Variants in DLG2 observed in about 807,000 individuals in gnomAD.
DLG2 encodes the protein disks large homolog 2.
Under a neutral mutation model 132.5 loss-of-function variants are expected in DLG2, and 45 were observed. The ratio of observed to expected loss-of-function variants is 0.34; its 90% confidence interval spans 0.27 to 0.44. DLG2 has a LOEUF of 0.44. Among genes scored for constraint, DLG2 ranks in the 20% least tolerant of loss-of-function variants. The probability of loss-of-function intolerance (pLI) is 1.00; values close to 1 mark genes in which losing one functional copy is unlikely to be tolerated. For missense variants in DLG2, 1,045 were observed against 1,196.9 expected (o/e 0.87, Z 1.87); for synonymous variants, 424 against 419.6 (o/e 1.01, Z -0.13).
At chr11:85,115,382 G>A (rs1248416225) in intron 5 of DLG2, among the ~76,000 whole-genome samples, 1 of 151,876 alleles carries the variant, frequency 6.6e-6, no homozygotes, top group Non-Finnish European at 1.5e-5. Context: ...ATTACTAAGT[G>A]CCAGCTATTG....
At chr11:83,614,833 C>G (rs904763697) in intron 19 of DLG2, among the ~76,000 whole-genome samples, 1 of 152,214 alleles carries the variant, frequency 6.6e-6, no homozygotes, top group Non-Finnish European at 1.5e-5. Flanking sequence ...CAGACTGATA[C>G]TTCCAGCAAA....
chr11:83,637,691 C>A (rs953065414), intron 18 of DLG2, among the ~76,000 whole-genome samples: 1 of 152,100 alleles, frequency 6.6e-6, no homozygotes, highest in African/African-American at 2.4e-5. Flanking sequence ...CCTCAATTCT[C>A]CACCCTTCCC....
intron 9 of DLG2, among the ~76,000 whole-genome samples, chr11:84,128,187 A>T (rs534197065): frequency 6.6e-6 from 1 of 152,236 alleles, no homozygotes; most frequent in Admixed American, 6.5e-5. Context: ...GATAAGTAGG[A>T]AGAAGGTGTG....
At chr11:83,920,524 AAC>A (rs1277777111) in intron 15 of DLG2, among the ~76,000 whole-genome samples, 1 of 152,146 alleles carries the variant, frequency 6.6e-6, no homozygotes, top group African/African-American at 2.4e-5. Context: ...TATGAATGGA[AAC>A]AGTCTTTTAT....
At chr11:85,513,110 A>G (rs747468061) in intron 3 of DLG2, among the ~76,000 whole-genome samples, 3 of 152,190 alleles carry the variant, frequency 2.0e-5, no homozygotes, top group South Asian at 4.1e-4. Flanking sequence ...AAAACACAGC[A>G]TATTCTCACT....
intron 6 of DLG2, among the ~76,000 whole-genome samples, chr11:84,657,683 G>A (rs140179044): frequency 6.6e-6 from 1 of 152,256 alleles, no homozygotes; most frequent in East Asian, 1.9e-4. Context: ...TAATCTGACA[G>A]GAAGTAGAGC....
chr11:85,584,339 GGTGTGTGTGTGTGTGTGT>G (rs61334060), intron 3 of DLG2, among the ~76,000 whole-genome samples: 6 of 144,974 alleles, frequency 4.1e-5, no homozygotes, highest in East Asian at 4.1e-4. Context: ...AGTATTCCAT[GGTGTGTGTGTGTGTGTGT>G]GTGTGTGTGT....
chr11:84,075,772 A>T (rs1310043144), intron 10 of DLG2, among the ~76,000 whole-genome samples: 1 of 152,168 alleles, frequency 6.6e-6, no homozygotes, highest in Admixed American at 6.5e-5. Context: ...TATACTCCTC[A>T]TCTCTTCCTA....
intron 3 of DLG2, among the ~76,000 whole-genome samples, chr11:85,432,722 G>C (rs1237779270): frequency 6.6e-6 from 1 of 152,100 alleles, no homozygotes; most frequent in Non-Finnish European, 1.5e-5. Context: ...GAGGAGAATA[G>C]AACCAAATTG....
At chr11:85,573,144 T>C (rs1426407173) in intron 3 of DLG2, among the ~76,000 whole-genome samples, 2 of 152,206 alleles carry the variant, frequency 1.3e-5, no homozygotes, top group Non-Finnish European at 2.9e-5. Flanking sequence ...CTCTGAAAGC[T>C]GAACTATGTA....
At chr11:84,216,472 T>C (rs1309693039) in intron 8 of DLG2, among the ~76,000 whole-genome samples, 1 of 152,198 alleles carries the variant, frequency 6.6e-6, no homozygotes, top group Non-Finnish European at 1.5e-5. Context: ...CTAATATTTG[T>C]TTTACATGTA....
intron 21 of DLG2, among the ~76,000 whole-genome samples, chr11:83,490,142 A>C (rs2138105858): frequency 6.6e-6 from 1 of 152,128 alleles, no homozygotes; most frequent in South Asian, 2.1e-4. Context: ...TGGAGCAGAG[A>C]AAGTATAAGG....
intron 19 of DLG2, among the ~76,000 whole-genome samples, chr11:83,606,149 A>C (rs180707008): frequency 6.6e-6 from 1 of 152,284 alleles, no homozygotes; most frequent in African/African-American, 2.4e-5. Context: ...GATTTACACA[A>C]ACTTGAGATC....
At chr11:84,640,344 GA>G in intron 6 of DLG2, 2 of 347,370 alleles carry the variant, frequency 5.8e-6, no homozygotes, top group Non-Finnish European at 5.5e-6. Context: ...TTTCTTGGAT[GA>G]AAAATAAATC....
intron 21 of DLG2, among the ~76,000 whole-genome samples, chr11:83,520,628 T>A (rs549314202): frequency 2.7e-4 from 38 of 140,810 alleles, no homozygotes; most frequent in Non-Finnish European, 4.9e-4. Flanking sequence ...GGTAGGTAGA[T>A]AGGTAGGTAG....
chr11:85,187,108 A>G (rs1252287710), intron 4 of DLG2, among the ~76,000 whole-genome samples: 3 of 152,138 alleles, frequency 2.0e-5, no homozygotes, highest in Non-Finnish European at 4.4e-5. Context: ...CTTTGCAGTC[A>G]AAAAACCAAC....
At chr11:85,046,399 A>C (rs780743596) in intron 6 of DLG2, among the ~76,000 whole-genome samples, 1 of 152,042 alleles carries the variant, frequency 6.6e-6, no homozygotes, top group Non-Finnish European at 1.5e-5. Flanking sequence ...GATAGGCTAG[A>C]AACTTTTCAG....
At chr11:84,174,605 A>C (rs1406882312) in intron 8 of DLG2, among the ~76,000 whole-genome samples, 1 of 152,188 alleles carries the variant, frequency 6.6e-6, no homozygotes, top group African/African-American at 2.4e-5. Flanking sequence ...GAATGCCTAA[A>C]ATTTCCCATG....
At chr11:85,064,342 T>G (rs140591659) in intron 6 of DLG2, among the ~76,000 whole-genome samples, 78 of 151,924 alleles carry the variant, frequency 5.1e-4, no homozygotes, top group African/African-American at 1.8e-3. Context: ...CACTATAAAA[T>G]GCACATTTGC....
Sources: allele counts gnomAD v4.1 joint callset (sites outside exome capture counted in the v4.1 genomes callset), GRCh38; gene constraint gnomAD v4.1.1; transcripts MANE v1.5; gene names NCBI Gene and HGNC (gene_info 2026-07-23, HGNC 2026-07-21).